Variants in CYB5R4 observed in about 807,000 individuals in gnomAD.
CYB5R4 encodes the protein cytochrome b5 reductase 4.
In CYB5R4, 55 loss-of-function variants were observed where a neutral mutation model predicts 70.2. The observed-to-expected ratio is 0.78, with a 90% confidence interval of 0.63 to 0.98. CYB5R4 has a LOEUF of 0.98. Among genes scored for constraint, CYB5R4 ranks in the 50% least tolerant of loss-of-function variants. The probability of loss-of-function intolerance (pLI) is 0.00; values close to 1 mark genes in which losing one functional copy is unlikely to be tolerated. For synonymous variants in CYB5R4, 197 were observed against 199.5 expected, an observed-to-expected ratio of 0.99 and a Z score of 0.11; for missense variants, 562 against 612.6, an observed-to-expected ratio of 0.92 and a Z score of 0.87.
intron 14 of CYB5R4, among the ~76,000 whole-genome samples, chr6:83,954,219 ATT>A (rs1338721200): frequency 6.6e-6 from 1 of 152,132 alleles, no homozygotes; most frequent in Non-Finnish European, 1.5e-5. Context: ...TTAAAGAATT[ATT>A]GAGTCTTAAC....
chr6:83,900,951 C>CACAAATTA (rs2099462839), intron 3 of CYB5R4, among the ~76,000 whole-genome samples: 1 of 152,202 alleles, frequency 6.6e-6, no homozygotes, highest in Non-Finnish European at 1.5e-5. Flanking sequence ...TTAATTGGAG[C>CACAAATTA]ATTCAGCCCA....
intron 3 of CYB5R4, among the ~76,000 whole-genome samples, chr6:83,895,152 T>C (rs1389042935): frequency 6.6e-6 from 1 of 152,190 alleles, no homozygotes; most frequent in Admixed American, 6.5e-5. Flanking sequence ...TTTCTCTCTG[T>C]CTGCCTGCCT....
intron 1 of CYB5R4, among the ~76,000 whole-genome samples, chr6:83,863,793 A>G (rs2099456329): frequency 6.6e-6 from 1 of 152,256 alleles, no homozygotes; most frequent in African/African-American, 2.4e-5. Flanking sequence ...CATAGCATTT[A>G]CATTGCTTTA....
At chr6:83,915,416 C>T (rs543109497) in intron 5 of CYB5R4, among the ~76,000 whole-genome samples, 5 of 152,234 alleles carry the variant, frequency 3.3e-5, no homozygotes, top group African/African-American at 1.2e-4. Flanking sequence ...AGTTGTTCAT[C>T]GGATAATATA....
rs370684324 is a variant in CYB5R4, at chr6:83,908,247, C to A, written c.331-762C>A. On this transcript the variant is annotated intron_variant, in intron 3 of 15. Transcript: ENST00000369681. Reference sequence around the variant, plus strand: ...ATGATCGGTAATATTGAGCTTTTTTCACTGCCGGATGACTGCATGTATGTC... The same window carrying A: ...ATGATCGGTAATATTGAGCTTTTTTAACTGCCGGATGACTGCATGTATGTC... Among the ~76,000 whole-genome samples the A allele has an allele frequency of 1.8e-4, 27 of 152,186 alleles. No homozygotes were observed. The East Asian group carries it at 5.0e-3, about 28-fold the overall frequency.
chr6:83,956,911 A>T (rs2099472509), intron 15 of CYB5R4, among the ~76,000 whole-genome samples: 2 of 151,966 alleles, frequency 1.3e-5, no homozygotes. Flanking sequence ...GATAAAAAAA[A>T]AAAAAAAATC....
chr6:83,881,471 C>A (rs1274348187), intron 2 of CYB5R4, among the ~76,000 whole-genome samples: 1 of 152,190 alleles, frequency 6.6e-6, no homozygotes, highest in East Asian at 1.9e-4. Context: ...GCCACAACAC[C>A]CAGCCTCATA....
At chr6:83,941,030 T>A (rs1238028866) in intron 14 of CYB5R4, among the ~76,000 whole-genome samples, 1 of 152,206 alleles carries the variant, frequency 6.6e-6, no homozygotes, top group Non-Finnish European at 1.5e-5. Context: ...TTTGTGACTT[T>A]CCAAGAGAGG....
intron 15 of CYB5R4, among the ~76,000 whole-genome samples, chr6:83,959,538 C>T (rs1193589799): frequency 6.6e-6 from 1 of 152,064 alleles, no homozygotes; most frequent in Non-Finnish European, 1.5e-5. Flanking sequence ...ACTTATCAGC[C>T]AATCATAATG....
chr6:83,864,106 T>C, intron 1 of CYB5R4, 69 bp from the exon 2 acceptor site: 2 of 1,383,936 alleles, frequency 1.4e-6, no homozygotes, highest in Non-Finnish European at 1.9e-6. Context: ...AGATTTGAGT[T>C]TTATTATCTT....
intron 14 of CYB5R4, among the ~76,000 whole-genome samples, chr6:83,943,957 C>T (rs2099470172): frequency 6.7e-6 from 1 of 150,168 alleles, no homozygotes; most frequent in African/African-American, 2.4e-5. Flanking sequence ...TATGGGACTA[C>T]ATTTGGTGTA....
intron 2 of CYB5R4, among the ~76,000 whole-genome samples, chr6:83,874,355 T>C (rs907688922): frequency 6.6e-6 from 1 of 151,288 alleles, no homozygotes; most frequent in Admixed American, 6.6e-5. Context: ...CATACCTGGC[T>C]ACTTTTTTAA....
In CYB5R4 at chr6:83,864,201, T is replaced by C; in HGVS notation, c.102T>C (p.Leu34=). 2 of 1,610,300 alleles carry C rather than the reference T, an allele frequency of 1.2e-6. No individual in the cohort carries two copies. The highest frequency in any genetic ancestry group is 1.7e-6 in the Non-Finnish European group (2 of 1,178,610). ...TACCTTTAAAACAGGGCAGAAGCCT[T>C]ATGGATTGGATTCGACTGACCAAAA... ...SKVPLKQGRS[L]MDWIRLTKSG... is the part of the protein sequence containing the mutation. Residue 34 remains leucine (L), a synonymous_variant, in exon 2 of 16, where the codon CTT becomes CTC. Transcript: ENST00000369681.
At chr6:83,905,201 C>T (rs766702806) in intron 3 of CYB5R4, among the ~76,000 whole-genome samples, 4 of 152,076 alleles carry the variant, frequency 2.6e-5, no homozygotes, top group South Asian at 2.1e-4. Flanking sequence ...ACTACAGGCA[C>T]GCGCCTCCAC....
intron 2 of CYB5R4, among the ~76,000 whole-genome samples, chr6:83,876,920 G>A (rs61466576): frequency 0.024 from 3,695 of 151,788 alleles, 148 homozygotes; most frequent in African/African-American, 0.084. Flanking sequence ...TACAACCTTC[G>A]CCTCCCAGGC....
intron 1 of CYB5R4, among the ~76,000 whole-genome samples, chr6:83,862,216 T>C (rs2099456064): frequency 3.3e-5 from 5 of 152,232 alleles, no homozygotes; most frequent in African/African-American, 9.6e-5. Flanking sequence ...GAGGCTTTTA[T>C]TCAGATCTCA....
chr6:83,950,658 G>C (rs1003329469), intron 14 of CYB5R4, among the ~76,000 whole-genome samples: 5 of 151,982 alleles, frequency 3.3e-5, no homozygotes, highest in Non-Finnish European at 5.9e-5. Flanking sequence ...TTTAGTAAAG[G>C]TAGTGGTACA....
intron 2 of CYB5R4, among the ~76,000 whole-genome samples, chr6:83,882,931 A>G (rs1031867229): frequency 2.0e-5 from 3 of 152,146 alleles, no homozygotes; most frequent in African/African-American, 7.2e-5. Context: ...CCGAGATTGC[A>G]CCACTACACT....
Position 83,859,763 on chromosome 6 carries a change from C to G in CYB5R4, c.-20C>G, listed in dbSNP as rs1474700374. The G allele has an allele frequency of 1.2e-6, 2 of 1,611,516 alleles. No homozygotes were observed. The highest frequency in any genetic ancestry group is 1.7e-6 in the Non-Finnish European group (2 of 1,178,998). On this transcript the variant is annotated 5_prime_UTR_variant, in exon 1 of 16. Coordinates refer to ENST00000369681, the MANE Select transcript of CYB5R4 (RefSeq NM_016230.4). ...GTCTGGCGGCGATCCCCGGGCAGGG[C>G]CCGGGGCCGGGGTTTGAAGATGCTG...
Sources: gnomAD v4.1 joint callset for allele counts (sites outside exome capture counted in the v4.1 genomes callset) on GRCh38, gnomAD v4.1.1 for gene constraint, MANE v1.5 for transcripts, NCBI Gene and HGNC (gene_info 2026-07-23, HGNC 2026-07-21) for gene names.